BMF: variants seen among roughly 807,000 people sequenced by gnomAD.
BMF encodes the protein bcl-2-modifying factor.
Under a neutral mutation model 22.0 loss-of-function variants are expected in BMF, and 10 were observed. The observed-to-expected ratio is 0.45, with a 90% CI of 0.28 to 0.77. The LOEUF (loss-of-function observed/expected upper bound fraction) is 0.77. BMF is among the 30% of genes least tolerant of loss of function. The pLI, the probability that BMF is intolerant of heterozygous loss-of-function variation, is 0.13. For missense variants in BMF, 206 were observed against 226.8 expected (o/e 0.91, Z 0.59); for synonymous variants, 87 against 88.1 (o/e 0.99, Z 0.07).
chr15:40,100,848 G>A (rs1311693655), intron 4 of BMF, among the ~76,000 whole-genome samples: 3 of 152,164 alleles, frequency 2.0e-5, no homozygotes, highest in Non-Finnish European at 2.9e-5. Flanking sequence ...GGAGAAGGTC[G>A]TTCTGGTGCA....
intron 4 of BMF, among the ~76,000 whole-genome samples, chr15:40,092,655 A>G (rs577725644): frequency 9.2e-5 from 14 of 152,254 alleles, no homozygotes; most frequent in African/African-American, 3.1e-4. Context: ...AAGAATATAT[A>G]CTATGCTCTG....
intron 4 of BMF, among the ~76,000 whole-genome samples, chr15:40,095,309 G>C (rs1202026494): frequency 6.6e-6 from 1 of 152,194 alleles, no homozygotes; most frequent in Admixed American, 6.5e-5. Context: ...GGCCTGACTA[G>C]AAAGGAAAGA....
In BMF at chr15:40,090,111, G is replaced by A. The variant is rs2036205554; in HGVS notation, c.*1676C>T. 6.6e-6 allele frequency: 1 copy of A among 152,430 alleles called. No individual in the cohort carries two copies. Among genetic ancestry groups the A allele is most frequent in the Non-Finnish European group, 1.5e-5 (1 of 68,046 alleles). 9.4% of individuals were successfully genotyped at this position (152,430 alleles called of 1,614,324 possible). ...GCACCCCTTCTTCTTGGGAGAAGTA[G>A]CCCCACACCAGGGCACGCACACAGC... On this transcript the variant is annotated 3_prime_UTR_variant, in exon 5 of 5. Transcript: ENST00000354670.
intron 4 of BMF, among the ~76,000 whole-genome samples, chr15:40,097,457 C>A (rs770470): frequency 6.6e-6 from 1 of 152,100 alleles, no homozygotes; most frequent in African/African-American, 2.4e-5. Flanking sequence ...TGAGGCAGAG[C>A]GGGTTGGGGC....
At chr15:40,094,941 C>A (rs2036324429) in intron 4 of BMF, among the ~76,000 whole-genome samples, 1 of 152,206 alleles carries the variant, frequency 6.6e-6, no homozygotes, top group African/African-American at 2.4e-5. Flanking sequence ...CCCCACTGGC[C>A]AAGCCAGAGG....
chr15:40,096,793 T>A (rs2036371082), intron 4 of BMF, among the ~76,000 whole-genome samples: 1 of 152,238 alleles, frequency 6.6e-6, no homozygotes, highest in African/African-American at 2.4e-5. Flanking sequence ...GATCATTAAC[T>A]ATTTAGTAAG....
Position 40,106,118 on chromosome 15 carries a change from G to T in BMF, c.-5-27C>A. The stretch of plus-strand genomic sequence containing the variant: ...TGTGAGGGGGCAACGCAGGCATCTG[G>T]GCTGCTGCCCCACCAGGGCCATACC... On this transcript the variant is annotated intron_variant, in intron 2 of 4. Coordinates refer to ENST00000354670, the MANE Select transcript of BMF (RefSeq NM_001003940.2). The surrounding 1 kb of genome is among the most constrained non-coding windows in gnomAD (Gnocchi z 4.1). The T allele has an allele frequency of 6.4e-7, 1 of 1,554,930 alleles. No homozygotes were observed. The highest frequency in any genetic ancestry group is 8.7e-7 in the Non-Finnish European group (1 of 1,151,104).
chr15:40,096,973 T>G (rs2141014906), intron 4 of BMF, among the ~76,000 whole-genome samples: 1 of 152,322 alleles, frequency 6.6e-6, no homozygotes, highest in South Asian at 2.1e-4. Context: ...AGGTGCACAG[T>G]CCACGATGTG....
chr15:40,098,023 C>T (rs1373454401), intron 4 of BMF, among the ~76,000 whole-genome samples: 1 of 152,172 alleles, frequency 6.6e-6, no homozygotes, highest in Non-Finnish European at 1.5e-5. Context: ...TGCTTCTGAC[C>T]CAGAGGCCCG....
chr15:40,093,737 A>G (rs1301250392), intron 4 of BMF, among the ~76,000 whole-genome samples: 1 of 152,142 alleles, frequency 6.6e-6, no homozygotes, highest in Non-Finnish European at 1.5e-5. Context: ...AAGAACAATC[A>G]TCACCTCATA....
intron 2 of BMF, among the ~76,000 whole-genome samples, chr15:40,107,531 CAAGTGTGT>C (rs2036612205): frequency 9.3e-6 from 1 of 107,210 alleles, no homozygotes; most frequent in Non-Finnish European, 2.0e-5. Flanking sequence ...CCGTGTTTCC[CAAGTGTGT>C]GTGTGTGTGT....
rs777224567 is a variant in BMF, at chr15:40,105,863, G to A, written c.224C>T (p.Pro75Leu). 1.2e-6 allele frequency: 2 copies of A among 1,614,044 alleles called. No homozygotes were observed. Among genetic ancestry groups the A allele is most frequent in the Non-Finnish European group, 8.5e-7 (1 of 1,180,034 alleles). ...QEDKATQTLS[P>L]ASPSQGVMLP... ...CATGACACCTTGGCTGGGGGAGGCTGGGCTGAGAGTCTGGGTAGCTTTGTC... is the reference window on the plus strand; with the variant it reads ...CATGACACCTTGGCTGGGGGAGGCTAGGCTGAGAGTCTGGGTAGCTTTGTC... The change falls in exon 3 of 5, where the codon CCA becomes CTA. Residue 75 changes from proline (P) to leucine (L), a missense_variant. By Grantham distance (98) the Pro-to-Leu change is moderately conservative. Coordinates refer to ENST00000354670, the MANE Select transcript of BMF (RefSeq NM_001003940.2).
At chr15:40,092,033 G>T (rs1420989401) in intron 4 of BMF, 145 bp from the exon 5 acceptor site, 5 of 642,854 alleles carry the variant, frequency 7.8e-6, no homozygotes, top group South Asian at 2.0e-5. Flanking sequence ...CGGGGAGGAG[G>T]GGGAGGTGAA....
rs1270714016 is a variant in BMF at position 40,104,318 on chromosome 15, A to G, written c.315T>C (p.Pro105=). 6.2e-7 allele frequency: 1 copy of G among 1,614,194 alleles called. No homozygotes were observed. ...AGACTGCTGGGAAACTGGCAGGGAGAGGAAGCCGATAGCCAGCATTGCCTG... is the reference window on the plus strand; with the variant it reads ...AGACTGCTGGGAAACTGGCAGGGAGGGGAAGCCGATAGCCAGCATTGCCTG... ...LFYGNAGYRL[P]LPASFPAVLP... is the part of the protein sequence containing the mutation. The change falls in exon 4 of 5, where the codon CCT becomes CCC. Residue 105 remains proline, a synonymous_variant. Transcript: ENST00000354670.
chr15:40,096,786 C>G (rs891542659), intron 4 of BMF, among the ~76,000 whole-genome samples: 3 of 152,212 alleles, frequency 2.0e-5, no homozygotes, highest in African/African-American at 7.2e-5. Flanking sequence ...GTTTCCAGAT[C>G]ATTAACTATT....
intron 4 of BMF, among the ~76,000 whole-genome samples, chr15:40,099,051 T>C (rs1162702606): frequency 6.6e-6 from 1 of 152,228 alleles, no homozygotes; most frequent in Admixed American, 6.5e-5. Context: ...CCTGGCACTG[T>C]CCTAGGTGGG....
intron 4 of BMF, among the ~76,000 whole-genome samples, chr15:40,102,624 T>C (rs576600743): frequency 5.3e-5 from 8 of 152,036 alleles, no homozygotes; most frequent in Admixed American, 2.0e-4. Context: ...GATCAGATTA[T>C]TGCAAATGAA....
chr15:40,105,422 C>T (rs927621157), intron 3 of BMF, among the ~76,000 whole-genome samples: 1 of 152,186 alleles, frequency 6.6e-6, no homozygotes, highest in Non-Finnish European at 1.5e-5. Flanking sequence ...CCAGAACCGG[C>T]TGGGTTTTTC....
chr15:40,092,453 T>TCTCACACACACA lies in BMF; in HGVS notation c.454-566_454-565insTGTGTGTGTGAG, dbSNP rs1555427549. On this transcript the variant is annotated intron_variant, in intron 4 of 4. Coordinates refer to ENST00000354670, the MANE Select transcript of BMF (RefSeq NM_001003940.2). ...AGTGCAAACACGCACACACACAGAC[T>TCTCACACACACA]CACACACACACACACACACACACCC... Among the ~76,000 whole-genome samples, 29 of 148,716 alleles carry TCTCACACACACA rather than the reference T, an allele frequency of 2.0e-4. No homozygotes were observed. The East Asian group carries it at 4.8e-3, about 24-fold the overall frequency.
Sources: allele counts gnomAD v4.1 joint callset (sites outside exome capture counted in the v4.1 genomes callset), GRCh38; gene constraint gnomAD v4.1.1; non-coding constraint Gnocchi (gnomAD v3.1); transcripts MANE v1.5; gene names NCBI Gene and HGNC (gene_info 2026-07-23, HGNC 2026-07-21).